The following SHANK2 variants were observed in gnomAD, a reference collection of about 807,000 sequenced individuals.
The protein encoded by SHANK2 is SH3 and multiple ankyrin repeat domains 2.
A neutral mutation model predicts 133.7 loss-of-function variants in SHANK2; 43 were observed. The observed-to-expected ratio is 0.32, with a 90% CI of 0.25 to 0.41. SHANK2 has a LOEUF of 0.41. SHANK2 is among the 10% of genes least tolerant of loss of function. SHANK2 has a pLI of 1.00. For synonymous variants in SHANK2, 1,017 were observed against 952.8 expected, an observed-to-expected ratio of 1.07 and a Z score of -1.24; for missense variants, 1,994 against 2,235.8, an observed-to-expected ratio of 0.89 and a Z score of 2.18.
intron 10 of SHANK2, among the ~76,000 whole-genome samples, chr11:70,905,325 C>A (rs1310573607): frequency 6.6e-6 from 1 of 152,216 alleles, no homozygotes; most frequent in Non-Finnish European, 1.5e-5. Flanking sequence ...TCAAGACGCC[C>A]ACCCGCACAC....
chr11:71,115,358 A>G (rs1441122284), intron 4 of SHANK2, among the ~76,000 whole-genome samples: 2 of 152,120 alleles, frequency 1.3e-5, no homozygotes, highest in Non-Finnish European at 2.9e-5. Flanking sequence ...AATCCTAGCT[A>G]TTCAGGAGGC....
At chr11:70,808,599 G>A (rs1031372237) in intron 12 of SHANK2, among the ~76,000 whole-genome samples, 7 of 151,460 alleles carry the variant, frequency 4.6e-5, no homozygotes, top group African/African-American at 1.5e-4. Context: ...GCCAGGCATG[G>A]TGCTGTGCAT....
rs1949668907 is a variant in SHANK2 at position 70,882,131 on chromosome 11, T to G, written c.1174+14370A>C. Among the ~76,000 whole-genome samples the G allele has an allele frequency of 6.6e-6, 1 of 151,920 alleles. No homozygotes were observed. Among genetic ancestry groups the G allele is most frequent in the Non-Finnish European group, 1.5e-5 (1 of 67,982 alleles). ...GGACCAGGGTTAAAGGGTGACTCAC[T>G]GGCATGATGCTGGCAGGTGAGACAA... On this transcript the variant is annotated intron_variant, in intron 11 of 25. Transcript: ENST00000601538. This position sits in a 1 kb window ranked among gnomAD's most constrained non-coding sequence, Gnocchi z 4.2.
chr11:70,573,418 T>C (rs978514194), intron 17 of SHANK2, among the ~76,000 whole-genome samples: 10 of 151,092 alleles, frequency 6.6e-5, no homozygotes, highest in Non-Finnish European at 1.3e-4. Flanking sequence ...TGAAAACTTA[T>C]AGAATTGCAC....
In SHANK2 at chr11:71,170,619, C is replaced by T. The variant is rs1191060197; in HGVS notation, c.-12-23281G>A. ...ATAGGAAACACGTCATGTGGGCTTC[C>T]GCTGGTGCTCCTTGCCCAGACCCCA... On this transcript the variant is annotated intron_variant, in intron 2 of 25. Coordinates refer to ENST00000601538, the MANE Select transcript of SHANK2 (RefSeq NM_012309.5). Among the ~76,000 whole-genome samples the T allele has an allele frequency of 2.0e-5, 3 of 152,174 alleles. No individual in the cohort carries two copies. The East Asian group carries it at 5.8e-4, about 29-fold the overall frequency.
intron 17 of SHANK2, among the ~76,000 whole-genome samples, chr11:70,546,231 G>A (rs970068807): frequency 6.6e-5 from 10 of 151,364 alleles, no homozygotes; most frequent in Non-Finnish European, 1.3e-4. Context: ...GAACCACTGC[G>A]CCCAGAGTTT....
chr11:70,783,793 C>T (rs185960332), intron 14 of SHANK2, among the ~76,000 whole-genome samples: 5 of 152,260 alleles, frequency 3.3e-5, no homozygotes, highest in African/African-American at 1.2e-4. Context: ...TTGTTACGCG[C>T]CACACAGAAA....
At chr11:70,662,833 T>A (rs1304115340) in intron 15 of SHANK2, among the ~76,000 whole-genome samples, 1 of 152,126 alleles carries the variant, frequency 6.6e-6, no homozygotes, top group Non-Finnish European at 1.5e-5. Flanking sequence ...CCCTGCTCAG[T>A]GAGCCTCCAG....
intron 17 of SHANK2, among the ~76,000 whole-genome samples, chr11:70,630,385 C>A (rs1347620704): frequency 6.6e-6 from 1 of 152,104 alleles, no homozygotes; most frequent in Non-Finnish European, 1.5e-5. Context: ...AGAGGCGGGG[C>A]CAGGAAGAGA....
intron 17 of SHANK2, among the ~76,000 whole-genome samples, chr11:70,540,842 C>CAA (rs10687305): frequency 0.49 from 53,947 of 110,730 alleles, 14,186 homozygotes; most frequent in Non-Finnish European, 0.56. Context: ...GAGTAAGACT[C>CAA]AAAAAAAAAA....
intron 11 of SHANK2, among the ~76,000 whole-genome samples, chr11:70,832,265 CTG>C (rs1565348679): frequency 6.6e-6 from 1 of 152,212 alleles, no homozygotes; most frequent in East Asian, 1.9e-4. Flanking sequence ...TTTAAAAAAT[CTG>C]TAAGTGGATA....
At chr11:70,692,174 A>G (rs1945303427) in intron 15 of SHANK2, among the ~76,000 whole-genome samples, 1 of 152,218 alleles carries the variant, frequency 6.6e-6, no homozygotes, top group East Asian at 1.9e-4. Context: ...CGGAGGAAGA[A>G]TGAGGGAAAT....
intron 15 of SHANK2, among the ~76,000 whole-genome samples, chr11:70,681,571 C>T (rs1945030019): frequency 6.6e-6 from 1 of 152,168 alleles, no homozygotes; most frequent in African/African-American, 2.4e-5. Flanking sequence ...GGACTGTAAC[C>T]ATCCAGGCTC....
chr11:71,149,546 A>G (rs1206578255), intron 2 of SHANK2, among the ~76,000 whole-genome samples: 3 of 126,458 alleles, frequency 2.4e-5, no homozygotes, highest in Non-Finnish European at 4.9e-5. Context: ...CTATGTGTTC[A>G]CAAACCATTT....
intron 21 of SHANK2, 144 bp from the exon 22 acceptor site, chr11:70,492,609 G>T: frequency 9.1e-7 from 1 of 1,093,784 alleles, no homozygotes; most frequent in Non-Finnish European, 1.3e-6. Context: ...GCATGCGTGT[G>T]CCTCTGCCAC....
chr11:70,898,780 A>G (rs1161340166), intron 10 of SHANK2, among the ~76,000 whole-genome samples: 1 of 152,254 alleles, frequency 6.6e-6, no homozygotes, highest in Admixed American at 6.5e-5. Context: ...CAGTCTATCC[A>G]TACGGCAAAA....
At chr11:70,731,331 A>C (rs1555032145) in intron 14 of SHANK2, among the ~76,000 whole-genome samples, 2 of 152,208 alleles carry the variant, frequency 1.3e-5, no homozygotes. Context: ...AGAACAGTGA[A>C]AAAGTAAGTG....
intron 3 of SHANK2, among the ~76,000 whole-genome samples, chr11:71,144,816 A>C (rs1235203310): frequency 6.6e-6 from 1 of 152,236 alleles, no homozygotes; most frequent in African/African-American, 2.4e-5. Context: ...TTCTCCTCTT[A>C]TATTCAAATA....
intron 2 of SHANK2, among the ~76,000 whole-genome samples, chr11:71,174,320 A>T (rs1953375946): frequency 6.6e-6 from 1 of 152,086 alleles, no homozygotes; most frequent in Non-Finnish European, 1.5e-5. Context: ...CGGGAGGATC[A>T]TTTGAGTCCA....
Sources: allele counts gnomAD v4.1 joint callset (sites outside exome capture counted in the v4.1 genomes callset), GRCh38; gene constraint gnomAD v4.1.1; non-coding constraint Gnocchi (gnomAD v3.1); transcripts MANE v1.5; gene names NCBI Gene and HGNC (gene_info 2026-07-23, HGNC 2026-07-21).